The following PCDHA2 variants were observed in gnomAD, a reference collection of about 807,000 sequenced individuals.
PCDHA2 encodes the protein protocadherin alpha 2.
A neutral mutation model predicts 66.0 loss-of-function variants in PCDHA2; 58 were observed. The ratio of observed to expected loss-of-function variants is 0.88; its 90% CI spans 0.71 to 1.09. PCDHA2 has a LOEUF of 1.09. PCDHA2 is among the 50% of genes least tolerant of loss of function. The pLI is 0.00. For synonymous variants in PCDHA2, 634 were observed against 554.0 expected, an observed-to-expected ratio of 1.14 and a Z score of -2.03; for missense variants, 1,267 against 1,242.3, an observed-to-expected ratio of 1.02 and a Z score of -0.30.
intron 1 of PCDHA2, chr5:140,877,318 G>T (rs1193928342): frequency 1.9e-6 from 3 of 1,614,000 alleles, no homozygotes; most frequent in Non-Finnish European, 2.5e-6. Context: ...ACCGGCGGCG[G>T]TCGGCGCGCA....
At chr5:140,829,831 G>T in intron 1 of PCDHA2, 2 of 1,613,918 alleles carry the variant, frequency 1.2e-6, no homozygotes, top group East Asian at 2.2e-5. Context: ...TGAGCGAGCT[G>T]GTGCCGCGGT....
chr5:140,869,309 A>T, intron 1 of PCDHA2: 1 of 1,613,682 alleles, frequency 6.2e-7, no homozygotes, highest in Non-Finnish European at 8.5e-7. Context: ...GTGGCGTCCA[A>T]AACACATGGG....
intron 1 of PCDHA2, chr5:140,836,475 G>A: frequency 6.2e-7 from 1 of 1,613,846 alleles, no homozygotes; most frequent in Non-Finnish European, 8.5e-7. Context: ...GGATGTCAAC[G>A]TGTACCTGAT....
rs782140638 is a variant in PCDHA2 at position 140,803,010 on chromosome 5, G to T, written c.2388+5658G>T. On this transcript the variant is annotated intron_variant, in intron 1 of 3. Transcript: ENST00000526136. ...AGTGGATGCAGACTCAGGCTACAAC[G>T]CGTGGCTTTCGTATGAGCTGCAGCC... 7 of 1,613,910 alleles carry T rather than the reference G, an allele frequency of 4.3e-6. No homozygotes were observed. The African/African-American group carries it at 8.0e-5, about 18-fold the overall frequency.
chr5:140,882,226 G>C (rs778262653), intron 1 of PCDHA2: 257 of 1,564,032 alleles, frequency 1.6e-4, no homozygotes, highest in Non-Finnish European at 3.8e-5. Flanking sequence ...GAGGTAAGGC[G>C]TTGTATATAT....
intron 1 of PCDHA2, chr5:140,864,893 T>C (rs1554159192): frequency 1.3e-5 from 2 of 152,194 alleles, no homozygotes; most frequent in South Asian, 2.1e-4. Flanking sequence ...TTAAGCTGCA[T>C]GGTCTTCAGA....
At chr5:140,860,333 A>T (rs147859732) in intron 1 of PCDHA2, 1 of 152,198 alleles carries the variant, frequency 6.6e-6, no homozygotes, top group African/African-American at 2.4e-5. Context: ...GTGACCCATG[A>T]TTGTGCCACT....
intron 1 of PCDHA2, chr5:140,966,920 C>A: frequency 6.2e-7 from 1 of 1,602,672 alleles, no homozygotes; most frequent in South Asian, 1.1e-5. Flanking sequence ...GCCAGAGGAG[C>A]AGGCACCCGG....
chr5:140,927,821 T>C (rs1554205108), intron 1 of PCDHA2: 1 of 1,614,118 alleles, frequency 6.2e-7, no homozygotes, highest in South Asian at 1.1e-5. Context: ...GAGGCATACA[T>C]TGAGGCGAGG....
chr5:140,838,779 A>C lies in PCDHA2; in HGVS notation c.2388+41427A>C, dbSNP rs1039097840. Among the ~76,000 whole-genome samples the C allele has an allele frequency of 1.8e-4, 28 of 152,056 alleles. 1 individual carries two copies. The highest frequency in any genetic ancestry group is 1.5e-3 in the Admixed American group (23 of 15,270). ...TTGTAGAGACTTTGTAAAATTAGCT[A>C]TGCATGGTGATGCATGTCTGTAGTT... is the stretch of plus-strand genomic sequence containing the variant. On this transcript the variant is annotated intron_variant, in intron 1 of 3. Coordinates refer to ENST00000526136, the MANE Select transcript of PCDHA2 (RefSeq NM_018905.3).
At position 140,828,267 on chromosome 5, in the gene PCDHA2, T is replaced by C. The variant is rs2150153311; in HGVS notation, c.2388+30915T>C. The C allele has an allele frequency of 5.0e-6, 8 of 1,613,938 alleles. No individual in the cohort carries two copies. The South Asian group carries it at 8.8e-5, about 18-fold the overall frequency. ...GACCTGGGGCTGGAGCTGGCGGAGC[T>C]GGTGCCGCGCCTGTTCAGGATGGCC... On this transcript the variant is annotated intron_variant, in intron 1 of 3. Transcript: ENST00000526136.
At chr5:140,857,777 A>C in intron 1 of PCDHA2, 1 of 1,597,518 alleles carries the variant, frequency 6.3e-7, no homozygotes, top group South Asian at 1.1e-5. Flanking sequence ...CGGTGCAGTC[A>C]GTGAGCTGGT....
At chr5:140,920,638 G>T (rs1245142321) in intron 1 of PCDHA2, among the ~76,000 whole-genome samples, 2 of 152,114 alleles carry the variant, frequency 1.3e-5, no homozygotes, top group African/African-American at 4.8e-5. Flanking sequence ...AAGGTCAAGA[G>T]ATTGAGACCA....
At chr5:140,968,027 C>G in intron 1 of PCDHA2, 2 of 1,614,200 alleles carry the variant, frequency 1.2e-6, no homozygotes, top group Middle Eastern at 1.6e-4. Flanking sequence ...CTCCTATACA[C>G]TGGTGGTGAG....
chr5:140,928,597 A>G (rs1554206042), intron 1 of PCDHA2: 1 of 1,614,226 alleles, frequency 6.2e-7, no homozygotes, highest in East Asian at 2.2e-5. Context: ...CCCAGTGGAA[A>G]TTGTGCCCCG....
At chr5:140,960,380 A>G (rs2095544105) in intron 1 of PCDHA2, among the ~76,000 whole-genome samples, 2 of 152,200 alleles carry the variant, frequency 1.3e-5, no homozygotes, top group African/African-American at 4.8e-5. Flanking sequence ...TTAAGTGCCA[A>G]GACATTAGGA....
chr5:140,916,979 G>A (rs1280720524), intron 1 of PCDHA2, among the ~76,000 whole-genome samples: 1 of 152,144 alleles, frequency 6.6e-6, no homozygotes, highest in African/African-American at 2.4e-5. Flanking sequence ...TGAGTGATTC[G>A]CCTCTGGCCA....
intron 1 of PCDHA2, chr5:140,882,615 T>A (rs1554174850): frequency 6.2e-7 from 1 of 1,614,020 alleles, no homozygotes; most frequent in South Asian, 1.1e-5. Flanking sequence ...CCTCTGCAGG[T>A]TTTCCATGTG....
In PCDHA2 at chr5:140,795,316, C is replaced by T; in HGVS notation, c.352C>T (p.His118Tyr). Reference protein sequence around the residue: ...VIVDRPLQVFHVEVEVKDIND... With the variant: ...VIVDRPLQVFYVEVEVKDIND... ...CGTGGACAGGCCGCTGCAGGTTTTC[C>T]ATGTGGAAGTGGAGGTGAAGGACAT... is the stretch of plus-strand genomic sequence containing the variant. Residue 118 changes from histidine to tyrosine, a missense_variant, in exon 1 of 4, where the codon CAT becomes TAT. His to Tyr is a moderately conservative substitution (Grantham distance 83, BLOSUM62 2). Transcript: ENST00000526136. 6.2e-7 allele frequency: 1 copy of T among 1,614,190 alleles called. No homozygotes were observed. Among genetic ancestry groups the T allele is most frequent in the Non-Finnish European group, 8.5e-7 (1 of 1,180,038 alleles).
Sources: gnomAD v4.1 joint callset for allele counts (sites outside exome capture counted in the v4.1 genomes callset) on GRCh38, gnomAD v4.1.1 for gene constraint, MANE v1.5 for transcripts, NCBI Gene and HGNC (gene_info 2026-07-23, HGNC 2026-07-21) for gene names.